Variants in DLG2 observed in about 807,000 individuals in gnomAD.
DLG2 encodes disks large homolog 2.
Under a neutral mutation model 132.5 loss-of-function variants are expected in DLG2, and 45 were observed. That is an observed-to-expected ratio of 0.34 (90% confidence interval 0.27 to 0.44). DLG2 has a LOEUF of 0.44. Among genes scored for constraint, DLG2 ranks in the 20% least tolerant of loss-of-function variants. DLG2 has a pLI of 1.00. For synonymous variants in DLG2, 424 were observed against 419.6 expected (o/e 1.01, Z -0.13); for missense variants, 1,045 against 1,196.9 (o/e 0.87, Z 1.87).
intron 6 of DLG2, among the ~76,000 whole-genome samples, chr11:84,596,861 G>C (rs2099560758): frequency 6.6e-6 from 1 of 152,074 alleles, no homozygotes; most frequent in Non-Finnish European, 1.5e-5. Context: ...ATTTCTAAAA[G>C]ACTTACTATG....
At chr11:83,672,475 C>A (rs913089742) in intron 18 of DLG2, among the ~76,000 whole-genome samples, 4 of 152,144 alleles carry the variant, frequency 2.6e-5, no homozygotes, top group Non-Finnish European at 5.9e-5. Flanking sequence ...CCGTGCCCGG[C>A]CTCCTTGATT....
chr11:84,538,010 A>G (rs1269355145), intron 6 of DLG2, among the ~76,000 whole-genome samples: 1 of 152,204 alleles, frequency 6.6e-6, no homozygotes, highest in Non-Finnish European at 1.5e-5. Context: ...TCTCCTCATC[A>G]TTCATTTCAG....
rs542921805 is a variant in DLG2, at chr11:85,093,423, CT to C, written c.357+18237del. Among the ~76,000 whole-genome samples the C allele has an allele frequency of 1.0e-3, 159 of 152,258 alleles. 1 individual carries two copies. Among genetic ancestry groups the C allele is most frequent in the African/African-American group, 3.7e-3 (154 of 41,540 alleles). On this transcript the variant is annotated intron_variant, in intron 6 of 27. Coordinates refer to ENST00000376104, the MANE Select transcript of DLG2 (RefSeq NM_001142699.3). Reference sequence around the variant, plus strand: ...ACACTCAGACTCACACACTAATCTCCTCTGGAAATATCCTCACAGACACAGC... The same window carrying C: ...ACACTCAGACTCACACACTAATCTCCCTGGAAATATCCTCACAGACACAGC...
chr11:84,468,373 C>T lies in DLG2; in HGVS notation c.519+66197G>A, dbSNP rs1484379825. 4.6e-5 allele frequency among the ~76,000 whole-genome samples: 7 copies of T among 151,452 alleles called. No homozygotes were observed. The East Asian group carries it at 1.2e-3, about 25-fold the overall frequency. ...AGGAAGAAAGGAATGCAAATTTTCC[C>T]ACTCTCTGTTCTAGTCCTTCCATTC... On this transcript the variant is annotated intron_variant, in intron 7 of 27. Coordinates refer to ENST00000376104, the MANE Select transcript of DLG2 (RefSeq NM_001142699.3).
At chr11:85,500,032 G>A (rs968562420) in intron 3 of DLG2, among the ~76,000 whole-genome samples, 1 of 152,184 alleles carries the variant, frequency 6.6e-6, no homozygotes, top group East Asian at 1.9e-4. Flanking sequence ...TTTGAAAACT[G>A]GCACAAGACA....
At chr11:84,352,842 C>G (rs1232090015) in intron 7 of DLG2, among the ~76,000 whole-genome samples, 1 of 152,120 alleles carries the variant, frequency 6.6e-6, no homozygotes, top group Admixed American at 6.6e-5. Context: ...AGTGGGTGCT[C>G]ACAAATTATC....
At chr11:85,608,538 T>C (rs2080755642) in intron 2 of DLG2, among the ~76,000 whole-genome samples, 2 of 152,162 alleles carry the variant, frequency 1.3e-5, no homozygotes, top group African/African-American at 4.8e-5. Context: ...CAGGAGGATC[T>C]TTCAGCTTAC....
intron 6 of DLG2, among the ~76,000 whole-genome samples, chr11:85,005,060 G>T (rs2058530803): frequency 1.3e-5 from 2 of 152,054 alleles, no homozygotes; most frequent in Admixed American, 1.3e-4. Flanking sequence ...TATTTCTGAG[G>T]CCTCTGTTCT....
intron 6 of DLG2, among the ~76,000 whole-genome samples, chr11:84,555,595 T>C (rs941381675): frequency 1.3e-5 from 2 of 152,222 alleles, no homozygotes; most frequent in African/African-American, 4.8e-5. Context: ...TCCATTTATA[T>C]GAAGTGCCTA....
chr11:84,673,814 C>A (rs2099708551), intron 6 of DLG2, among the ~76,000 whole-genome samples: 1 of 151,994 alleles, frequency 6.6e-6, no homozygotes, highest in East Asian at 1.9e-4. Flanking sequence ...GGGACTTCCT[C>A]ATCTATTATC....
At chr11:83,519,888 C>T (rs1025132284) in intron 21 of DLG2, among the ~76,000 whole-genome samples, 10 of 152,320 alleles carry the variant, frequency 6.6e-5, no homozygotes, top group African/African-American at 2.2e-4. Flanking sequence ...TTAGACTCCA[C>T]TTCACCTAGA....
At chr11:84,950,777 C>T (rs1048990943) in intron 6 of DLG2, among the ~76,000 whole-genome samples, 3 of 151,734 alleles carry the variant, frequency 2.0e-5, no homozygotes, top group Non-Finnish European at 4.4e-5. Flanking sequence ...TGCCTATCTG[C>T]GGATATCTGT....
intron 3 of DLG2, among the ~76,000 whole-genome samples, chr11:85,475,869 C>T (rs2093124501): frequency 6.6e-6 from 1 of 152,104 alleles, no homozygotes; most frequent in Non-Finnish European, 1.5e-5. Flanking sequence ...CTCTTAACTA[C>T]AACATATGTT....
chr11:84,356,607 T>C (rs1247386071), intron 7 of DLG2, among the ~76,000 whole-genome samples: 2 of 152,064 alleles, frequency 1.3e-5, no homozygotes, highest in African/African-American at 4.8e-5. Flanking sequence ...ATAATCATGA[T>C]TAAATGAGTT....
chr11:83,821,415 T>C (rs938782615), intron 17 of DLG2, among the ~76,000 whole-genome samples: 3 of 151,904 alleles, frequency 2.0e-5, no homozygotes, highest in Admixed American at 6.6e-5. Context: ...AAACTTATTA[T>C]GGATTTTTTT....
At chr11:84,162,441 T>C (rs1051201817) in intron 9 of DLG2, among the ~76,000 whole-genome samples, 1 of 151,946 alleles carries the variant, frequency 6.6e-6, no homozygotes, top group African/African-American at 2.4e-5. Context: ...TACATATTTT[T>C]CTAAAGTATT....
intron 9 of DLG2, among the ~76,000 whole-genome samples, chr11:84,111,727 G>A (rs1180940558): frequency 6.6e-6 from 1 of 152,134 alleles, no homozygotes; most frequent in Admixed American, 6.5e-5. Context: ...AATAAAAGAC[G>A]TACAGTTCTT....
chr11:84,359,675 T>C (rs1299573193), intron 7 of DLG2, among the ~76,000 whole-genome samples: 3 of 151,856 alleles, frequency 2.0e-5, no homozygotes, highest in Non-Finnish European at 4.4e-5. Flanking sequence ...TTATTACACT[T>C]TGGGCTTCTA....
intron 19 of DLG2, among the ~76,000 whole-genome samples, chr11:83,593,506 AG>A (rs1284711337): frequency 6.6e-6 from 1 of 151,558 alleles, no homozygotes; most frequent in Non-Finnish European, 1.5e-5. Flanking sequence ...GGGTTGGCGG[AG>A]GGGGGAGGGA....
Sources: allele counts gnomAD v4.1 joint callset (sites outside exome capture counted in the v4.1 genomes callset), GRCh38; gene constraint gnomAD v4.1.1; transcripts MANE v1.5; gene names NCBI Gene and HGNC (gene_info 2026-07-23, HGNC 2026-07-21).